Variants in SLC2A13 observed in about 807,000 individuals in gnomAD.
SLC2A13 encodes proton myo-inositol cotransporter.
A neutral mutation model predicts 64.4 loss-of-function variants in SLC2A13; 32 were observed. The observed-to-expected ratio is 0.50, with a 90% CI of 0.37 to 0.67. The LOEUF is 0.67. SLC2A13 is among the 30% of genes least tolerant of loss of function. The pLI is 0.00. For synonymous variants in SLC2A13, 338 were observed against 327.1 expected, an observed-to-expected ratio of 1.03 and a Z score of -0.36; for missense variants, 743 against 829.2, an observed-to-expected ratio of 0.90 and a Z score of 1.28.
chr12:39,943,587 T>C (rs4768201), intron 4 of SLC2A13, among the ~76,000 whole-genome samples: 112,097 of 152,132 alleles, frequency 0.74, 41,440 homozygotes, highest in East Asian at 0.82. Context: ...GCCTCAGTAA[T>C]GGTGGACGCC....
rs772948993 is a variant in SLC2A13, at chr12:40,105,228, C to T, written c.556+25G>A. On this transcript the variant is annotated intron_variant, in intron 1 of 9. Coordinates refer to ENST00000280871, the MANE Select transcript of SLC2A13 (RefSeq NM_052885.4). This position sits in a 1 kb window ranked among gnomAD's most constrained non-coding sequence, Gnocchi z 4.2. ...AGGGCGGTGACAATGGGATCCCGGG[C>T]GCCCTTCACGGAGCCCGAACTCACC... The T allele has an allele frequency of 4.6e-6, 7 of 1,538,010 alleles. No homozygotes were observed. In the South Asian group the frequency reaches 4.9e-5, roughly 11 times the overall value.
chr12:39,897,194 T>C (rs539039873), intron 4 of SLC2A13, among the ~76,000 whole-genome samples: 1 of 152,218 alleles, frequency 6.6e-6, no homozygotes, highest in African/African-American at 2.4e-5. Flanking sequence ...AATCTTTCCA[T>C]CCATGAAAAA....
At chr12:40,068,506 G>A (rs559197063) in intron 1 of SLC2A13, 29 of 255,918 alleles carry the variant, frequency 1.1e-4, no homozygotes, top group Non-Finnish European at 1.6e-5. Context: ...TTGTACCCCA[G>A]GACATACTTT....
At chr12:39,779,061 G>A (rs868684317) in intron 7 of SLC2A13, among the ~76,000 whole-genome samples, 1 of 152,156 alleles carries the variant, frequency 6.6e-6, no homozygotes, top group African/African-American at 2.4e-5. Context: ...TTTCCCCCAG[G>A]AAGAGTCATC....
chr12:39,849,043 G>A (rs1426637899), intron 6 of SLC2A13, among the ~76,000 whole-genome samples: 2 of 152,030 alleles, frequency 1.3e-5, no homozygotes, highest in Non-Finnish European at 2.9e-5. Flanking sequence ...TGGGAGGAGG[G>A]AGAGGAACAA....
intron 4 of SLC2A13, among the ~76,000 whole-genome samples, chr12:39,942,638 C>T (rs975578808): frequency 6.6e-6 from 1 of 152,114 alleles, no homozygotes; most frequent in East Asian, 1.9e-4. Flanking sequence ...TGGTTATTCT[C>T]GTTAGCAATT....
chr12:39,813,854 G>A (rs1456178917), intron 7 of SLC2A13, among the ~76,000 whole-genome samples: 1 of 152,138 alleles, frequency 6.6e-6, no homozygotes, highest in African/African-American at 2.4e-5. Context: ...CCCTACACAG[G>A]CATTTTAAAA....
chr12:40,020,154 A>G (rs1947688375), intron 3 of SLC2A13, among the ~76,000 whole-genome samples: 1 of 152,232 alleles, frequency 6.6e-6, no homozygotes, highest in Admixed American at 6.5e-5. Flanking sequence ...TGATTTTTTA[A>G]GAAACTCTGA....
chr12:39,828,708 CTTAG>C (rs1259387807), intron 7 of SLC2A13, among the ~76,000 whole-genome samples: 2 of 80,742 alleles, frequency 2.5e-5, no homozygotes, highest in Non-Finnish European at 4.5e-5. Context: ...CTAGTAGTAA[CTTAG>C]TTTTTTTTTT....
chr12:39,960,881 G>A (rs1016478036), intron 3 of SLC2A13, among the ~76,000 whole-genome samples: 2 of 150,454 alleles, frequency 1.3e-5, no homozygotes, highest in Non-Finnish European at 2.9e-5. Flanking sequence ...TCGAGTGGCT[G>A]AGATTACAGG....
intron 3 of SLC2A13, among the ~76,000 whole-genome samples, chr12:39,962,333 C>G (rs143107959): frequency 6.6e-5 from 10 of 152,202 alleles, no homozygotes; most frequent in Non-Finnish European, 2.9e-5. Flanking sequence ...TCAGGTGATA[C>G]GCCCACCTTG....
chr12:39,801,884 C>A (rs1265960501), intron 7 of SLC2A13, among the ~76,000 whole-genome samples: 1 of 152,186 alleles, frequency 6.6e-6, no homozygotes, highest in Non-Finnish European at 1.5e-5. Context: ...TACTCACTCA[C>A]TACACAAACT....
At chr12:39,895,984 A>ACATT (rs1944812864) in intron 4 of SLC2A13, among the ~76,000 whole-genome samples, 1 of 144,790 alleles carries the variant, frequency 6.9e-6, no homozygotes, top group Non-Finnish European at 1.5e-5. Context: ...ATGTATACAT[A>ACATT]CATTCATATA....
chr12:39,991,836 A>G (rs1167275219), intron 3 of SLC2A13, among the ~76,000 whole-genome samples: 1 of 151,910 alleles, frequency 6.6e-6, no homozygotes, highest in Non-Finnish European at 1.5e-5. Context: ...ATGGTAGTTG[A>G]GTTATTTTGT....
rs771650967 is a variant in SLC2A13 at position 39,764,718 on chromosome 12, T to A, written c.1567+19A>T. The A allele has an allele frequency of 4.3e-6, 7 of 1,610,356 alleles. No individual in the cohort carries two copies. Among genetic ancestry groups the A allele is most frequent in the Non-Finnish European group, 4.2e-6 (5 of 1,178,734 alleles). On this transcript the variant is annotated intron_variant, in intron 8 of 9. Transcript: ENST00000280871. ...AGGCAATTCAATTAATGCAACAGTA[T>A]AACAAAGTCTTTGTTTACCAGGTGC...
Position 40,059,619 on chromosome 12 carries a change from A to C in SLC2A13, c.557-11409T>G, listed in dbSNP as rs74800478. Among the ~76,000 whole-genome samples the C allele has an allele frequency of 4.3e-4, 65 of 152,298 alleles. No individual in the cohort carries two copies. In the East Asian group the frequency reaches 0.011, roughly 25 times the overall value. On this transcript the variant is annotated intron_variant, in intron 1 of 9. Coordinates refer to ENST00000280871, the MANE Select transcript of SLC2A13 (RefSeq NM_052885.4). ...TATGGGGAAGGAGCACGGAGCTTCC[A>C]TGCCCTTCCTGAATGTGCCACCCTC...
intron 1 of SLC2A13, among the ~76,000 whole-genome samples, chr12:40,054,607 G>T (rs1182840853): frequency 6.6e-6 from 1 of 152,190 alleles, no homozygotes; most frequent in East Asian, 1.9e-4. Context: ...GGCTTGAGAA[G>T]TTTCACCAGA....
At chr12:40,010,453 T>C (rs879676261) in intron 3 of SLC2A13, among the ~76,000 whole-genome samples, 2 of 152,160 alleles carry the variant, frequency 1.3e-5, no homozygotes, top group Non-Finnish European at 2.9e-5. Flanking sequence ...GCTTTTTTTT[T>C]CTGAGCCTGG....
chr12:39,810,679 A>G (rs1025546161), intron 7 of SLC2A13, among the ~76,000 whole-genome samples: 2 of 152,174 alleles, frequency 1.3e-5, no homozygotes, highest in African/African-American at 4.8e-5. Context: ...AGTTTTTATC[A>G]TGAATGGATT....
Sources: allele counts gnomAD v4.1 joint callset (sites outside exome capture counted in the v4.1 genomes callset), GRCh38; gene constraint gnomAD v4.1.1; non-coding constraint Gnocchi (gnomAD v3.1); transcripts MANE v1.5; gene names NCBI Gene and HGNC (gene_info 2026-07-23, HGNC 2026-07-21).